JPT2: variants seen among roughly 807,000 people sequenced by gnomAD.
The protein encoded by JPT2 is CRAMP_1 like.
JPT2 carries 9 observed loss-of-function variants against 15.9 expected under a neutral mutation model. That is an observed-to-expected ratio of 0.57 (90% CI 0.34 to 0.99). The LOEUF is 0.99. Ranked by LOEUF, JPT2 falls within the 50% of genes least tolerant of loss-of-function variation. The probability of loss-of-function intolerance (pLI) is 0.02; values close to 1 mark genes in which losing one functional copy is unlikely to be tolerated. For synonymous variants in JPT2, 95 were observed against 91.7 expected (o/e 1.04, Z -0.21); for missense variants, 267 against 252.1 (o/e 1.06, Z -0.40).
intron 1 of JPT2, chr16:1,680,426 G>A (rs1449137555): frequency 8.3e-7 from 1 of 1,197,908 alleles, no homozygotes; most frequent in Non-Finnish European, 1.1e-6. Context: ...TCTGGACAAG[G>A]TGTTGAGAAA....
At chr16:1,682,972 T>TTTTG (rs367873162) in intron 1 of JPT2, among the ~76,000 whole-genome samples, 383 of 151,868 alleles carry the variant, frequency 2.5e-3, no homozygotes, top group African/African-American at 8.8e-3. Context: ...CCAGCTAATT[T>TTTTG]TTTGTTTGTT....
At chr16:1,683,421 C>A in intron 1 of JPT2, 2 of 854,986 alleles carry the variant, frequency 2.3e-6, no homozygotes, top group South Asian at 1.6e-5. Context: ...AGCCCTTTCT[C>A]ATTTAAGCTT....
At chr16:1,679,812 T>C (rs1184019739) in intron 1 of JPT2, among the ~76,000 whole-genome samples, 3 of 151,774 alleles carry the variant, frequency 2.0e-5, no homozygotes, top group Non-Finnish European at 4.4e-5. Context: ...ATCCCGGCAC[T>C]TGGGGAGGCC....
Position 1,699,016 on chromosome 16 carries a change from C to G in JPT2, c.*18C>G, listed in dbSNP as rs777780335. 6.2e-7 allele frequency: 1 copy of G among 1,610,000 alleles called. No homozygotes were observed. The highest frequency in any genetic ancestry group is 1.3e-5 in the African/African-American group (1 of 75,008). On this transcript the variant is annotated 3_prime_UTR_variant, in exon 5 of 5. Coordinates refer to ENST00000248098, the MANE Select transcript of JPT2 (RefSeq NM_144570.3). ...TCTACTAAGAGAAGCCACTGCTCCA[C>G]CCGGAGCCAGACCAGAAACTCAAGA...
intron 1 of JPT2, among the ~76,000 whole-genome samples, chr16:1,683,859 G>A (rs184744801): frequency 5.2e-4 from 79 of 152,274 alleles, no homozygotes; most frequent in African/African-American, 1.9e-3. Flanking sequence ...GTGATGTTGA[G>A]CCCTGTAATT....
intron 3 of JPT2, among the ~76,000 whole-genome samples, chr16:1,697,483 A>G (rs553631828): frequency 1.1e-4 from 16 of 152,046 alleles, no homozygotes; most frequent in African/African-American, 3.6e-4. Flanking sequence ...ACCGCACTCT[A>G]GCCTGAATGA....
In JPT2 at chr16:1,699,227, C is replaced by A; in HGVS notation, c.*229C>A. 1 of 650,956 alleles carries A rather than the reference C, an allele frequency of 1.5e-6. No homozygotes were observed. 40.3% of individuals were successfully genotyped at this position (650,956 alleles called of 1,614,324 possible). A position where few individuals can be genotyped will look rare whatever the true frequency, so the allele number is the denominator to read the frequency against. On this transcript the variant is annotated 3_prime_UTR_variant, in exon 5 of 5. Coordinates refer to ENST00000248098, the MANE Select transcript of JPT2 (RefSeq NM_144570.3). ...AAATGGGGCACCCCTGGCCATCACT[C>A]ATGTGTAGTCCAGGTTTGAGAGGAA...
intron 1 of JPT2, among the ~76,000 whole-genome samples, chr16:1,682,900 C>T (rs1169618551): frequency 2.6e-5 from 4 of 152,130 alleles, no homozygotes; most frequent in Admixed American, 2.0e-4. Flanking sequence ...GCTTTGACCT[C>T]CTGGGCTCAA....
chr16:1,680,484 G>C (rs757418897), intron 1 of JPT2: 143 of 1,252,368 alleles, frequency 1.1e-4, no homozygotes, highest in Non-Finnish European at 1.4e-4. Context: ...AAGCCGGTCT[G>C]AACTGGATGA....
At position 1,699,185 on chromosome 16, in the gene JPT2, A is replaced by T; in HGVS notation, c.*187A>T. 1 of 670,696 alleles carries T rather than the reference A, an allele frequency of 1.5e-6. No homozygotes were observed. 41.5% of individuals were successfully genotyped at this position (670,696 alleles called of 1,614,324 possible). On this transcript the variant is annotated 3_prime_UTR_variant, in exon 5 of 5. Coordinates refer to ENST00000248098, the MANE Select transcript of JPT2 (RefSeq NM_144570.3). ...CCCGTGCCTTCCAGATGGCTGGGAG[A>T]TGCCTCTGTGGGGATGAAATGGGGC...
chr16:1,681,612 G>A (rs571929170), intron 1 of JPT2, among the ~76,000 whole-genome samples: 2 of 152,132 alleles, frequency 1.3e-5, no homozygotes, highest in African/African-American at 2.4e-5. Flanking sequence ...CGTCTGTCAC[G>A]TCACTCACAC....
chr16:1,702,464 C>G (rs756903379), downstream of JPT2, among the ~76,000 whole-genome samples: 1 of 152,204 alleles, frequency 6.6e-6, no homozygotes, highest in Non-Finnish European at 1.5e-5. Context: ...TAGAAGGACG[C>G]GGGTGCCACC....
chr16:1,698,676 A>G lies in JPT2; in HGVS notation c.386-135A>G. On this transcript the variant is annotated intron_variant, in intron 4 of 4. Coordinates refer to ENST00000248098, the MANE Select transcript of JPT2 (RefSeq NM_144570.3). The surrounding 1 kb of genome is among the most constrained non-coding windows in gnomAD (Gnocchi z 4.9). ...GGTACCAGATGAAAAGCCTGTCTAT[A>G]TTGTCTTCTCTTTCCCAGTTACAGC... 2 of 853,958 alleles carry G rather than the reference A, an allele frequency of 2.3e-6. No homozygotes were observed. Among genetic ancestry groups the G allele is most frequent in the African/African-American group, 1.7e-5 (1 of 58,388 alleles). 52.9% of individuals were successfully genotyped at this position (853,958 alleles called of 1,614,324 possible). A position where few individuals can be genotyped will look rare whatever the true frequency, so the allele number is the denominator to read the frequency against.
intron 1 of JPT2, among the ~76,000 whole-genome samples, chr16:1,681,626 C>T (rs1386100315): frequency 1.3e-5 from 2 of 152,176 alleles, no homozygotes; most frequent in Non-Finnish European, 2.9e-5. Context: ...CTCACACAGA[C>T]ACTGAAACCA....
chr16:1,695,642 A>G (rs956218068), intron 3 of JPT2, among the ~76,000 whole-genome samples: 3 of 151,966 alleles, frequency 2.0e-5, no homozygotes, highest in Non-Finnish European at 4.4e-5. Flanking sequence ...AGGCTGAAGC[A>G]GGCAGATTGC....
rs2037026195 is a variant in JPT2, at chr16:1,681,935, G to T, written c.45-3504G>T. Among the ~76,000 whole-genome samples, 3 of 152,224 alleles carry T rather than the reference G, an allele frequency of 2.0e-5. No homozygotes were observed. The South Asian group carries it at 6.2e-4, about 31-fold the overall frequency. On this transcript the variant is annotated intron_variant, in intron 1 of 4. Coordinates refer to ENST00000248098, the MANE Select transcript of JPT2 (RefSeq NM_144570.3). Reference sequence around the variant, plus strand: ...GAAAAGCCATATTTGAAATAAGTCAGTAAAAGGAATTATAGCTCATGCTCA... The same window carrying T: ...GAAAAGCCATATTTGAAATAAGTCATTAAAAGGAATTATAGCTCATGCTCA...
At position 1,698,183 on chromosome 16, in the gene JPT2, G is replaced by A. The variant is rs137948852; in HGVS notation, c.385+323G>A. Among the ~76,000 whole-genome samples, 16 of 152,290 alleles carry A rather than the reference G, an allele frequency of 1.1e-4. No homozygotes were observed. The highest frequency in any genetic ancestry group is 2.2e-4 in the African/African-American group (9 of 41,554). On this transcript the variant is annotated intron_variant, in intron 4 of 4. Coordinates refer to ENST00000248098, the MANE Select transcript of JPT2 (RefSeq NM_144570.3). The surrounding 1 kb of genome is among the most constrained non-coding windows in gnomAD (Gnocchi z 4.9). The stretch of plus-strand genomic sequence containing the variant: ...AAGCATAGAGCTGGCAGAACTAATC[G>A]AGAAGAGAGGGGCACAAGAGAGGGA...
chr16:1,701,270 T>C lies in JPT2; in HGVS notation c.*2272T>C, dbSNP rs2037178491. The stretch of plus-strand genomic sequence containing the variant: ...GTATTTGTATTAAGCCTTAACACTT[T>C]TCTTAAGTGCATTCGGTGCCAACAT... On this transcript the variant is annotated 3_prime_UTR_variant, in exon 5 of 5. Transcript: ENST00000248098. 6.6e-6 allele frequency: 1 copy of C among 152,446 alleles called. No homozygotes were observed. Among genetic ancestry groups the C allele is most frequent in the Non-Finnish European group, 1.5e-5 (1 of 68,052 alleles). The allele number at this position is 152,446 out of a possible 1,614,324, so 9.4% of individuals were successfully genotyped here.
At chr16:1,694,716 A>G (rs535230462) in intron 3 of JPT2, among the ~76,000 whole-genome samples, 30 of 152,256 alleles carry the variant, frequency 2.0e-4, no homozygotes, top group African/African-American at 7.2e-4. Context: ...AAGGGTGCCA[A>G]GATCATCCAG....
Sources: allele counts gnomAD v4.1 joint callset (sites outside exome capture counted in the v4.1 genomes callset), GRCh38; gene constraint gnomAD v4.1.1; non-coding constraint Gnocchi (gnomAD v3.1); transcripts MANE v1.5; gene names NCBI Gene and HGNC (gene_info 2026-07-23, HGNC 2026-07-21).